The following RUVBL1 variants were observed in gnomAD, a reference collection of about 807,000 sequenced individuals.
The protein encoded by RUVBL1 is ruvB-like 1.
RUVBL1 carries 4 observed loss-of-function variants against 52.4 expected under a neutral mutation model. That is an observed-to-expected ratio of 0.08 (90% CI 0.04 to 0.17). The LOEUF is 0.17. RUVBL1 is among the 10% of genes least tolerant of loss of function. RUVBL1 has a pLI of 1.00. For missense variants in RUVBL1, 298 were observed against 572.8 expected, an observed-to-expected ratio of 0.52 and a Z score of 4.90; for synonymous variants, 217 against 214.4, an observed-to-expected ratio of 1.01 and a Z score of -0.10.
At chr3:128,124,132 C>G (rs1050749764), upstream of RUVBL1, among the ~76,000 whole-genome samples, 2 of 152,116 alleles carry the variant, frequency 1.3e-5, no homozygotes, top group South Asian at 4.1e-4. Context: ...ACGCAAATCT[C>G]AAGTTATTAT....
downstream of RUVBL1, among the ~76,000 whole-genome samples, chr3:128,078,234 G>T (rs1942383494): frequency 1.3e-5 from 2 of 152,172 alleles, no homozygotes; most frequent in Non-Finnish European, 2.9e-5. Context: ...AAATGGCTAA[G>T]GTTTGCTAAC....
intron 4 of RUVBL1, among the ~76,000 whole-genome samples, chr3:128,103,788 G>A (rs779512516): frequency 4.6e-5 from 7 of 152,030 alleles, no homozygotes; most frequent in East Asian, 3.8e-4. Flanking sequence ...ATACACACAC[G>A]CAAACATATA....
chr3:128,126,234 T>C (rs1001848293), upstream of RUVBL1, among the ~76,000 whole-genome samples: 36 of 140,314 alleles, frequency 2.6e-4, no homozygotes, highest in Admixed American at 8.6e-4. Context: ...TGTGTGTGTG[T>C]GCTAAATAAC....
chr3:128,081,150 A>G lies in RUVBL1; in HGVS notation c.*100T>C. On this transcript the variant is annotated 3_prime_UTR_variant, in exon 11 of 11. Transcript: ENST00000322623. The surrounding 1 kb of genome is among the most constrained non-coding windows in gnomAD (Gnocchi z 4.8). ...CTGACAGCGCTGCAGACCACGCCTGAGTGGGGACGGCAGCCCCAAGCCCAG... is the reference window on the plus strand; with the variant it reads ...CTGACAGCGCTGCAGACCACGCCTGGGTGGGGACGGCAGCCCCAAGCCCAG... 1 of 1,233,132 alleles carries G rather than the reference A, an allele frequency of 8.1e-7. No individual in the cohort carries two copies. The allele number at this position is 1,233,132 out of a possible 1,614,324, so 76.4% of individuals were successfully genotyped here.
chr3:128,079,537 T>C (rs553276928), downstream of RUVBL1, among the ~76,000 whole-genome samples: 2 of 152,308 alleles, frequency 1.3e-5, no homozygotes, highest in South Asian at 4.1e-4. Context: ...TCTCTTCTGT[T>C]TGTCTAACAT....
At chr3:128,132,283 G>A (rs937878373) in intron 1 of RUVBL1, among the ~76,000 whole-genome samples, 4 of 152,210 alleles carry the variant, frequency 2.6e-5, no homozygotes, top group Non-Finnish European at 4.4e-5. Context: ...GTGCTCTGGG[G>A]TTCTACAGAA....
At position 128,097,174 on chromosome 3, in the gene RUVBL1, C is replaced by A. The variant is rs535265617; in HGVS notation, c.1016+126G>T. 13 of 922,710 alleles carry A rather than the reference C, an allele frequency of 1.4e-5. No homozygotes were observed. The Admixed American group carries it at 1.6e-4, about 11-fold the overall frequency. 57.2% of individuals were successfully genotyped at this position (922,710 alleles called of 1,614,324 possible). A position where few individuals can be genotyped will look rare whatever the true frequency, so the allele number is the denominator to read the frequency against. ...AGAGGCAAGCCACTTGGCACATTTT[C>A]CCTCAAAAACAACATGACCTCCCCT... On this transcript the variant is annotated intron_variant, in intron 8 of 10. Transcript: ENST00000322623.
At chr3:128,118,036 G>A (rs1943565859) in intron 2 of RUVBL1, among the ~76,000 whole-genome samples, 1 of 152,164 alleles carries the variant, frequency 6.6e-6, no homozygotes, top group African/African-American at 2.4e-5. Flanking sequence ...GCAACATAAT[G>A]AATGCAAACG....
chr3:128,105,001 C>T (rs1943190649), intron 3 of RUVBL1, 77 bp from the exon 4 acceptor site: 11 of 1,502,934 alleles, frequency 7.3e-6, no homozygotes, highest in Admixed American at 1.8e-5. Context: ...ACTTCCATGT[C>T]ACCAGAACTG....
At position 128,067,150 on chromosome 3, in the gene RUVBL1, C is replaced by T. The variant is rs1559798784; in HGVS notation, c.940-1930G>A. ...CTGGTCAGCCTGCTGGGCACCTGGT[C>T]GGTAAGTAGGCTCTTTGAAGATGAG... is the stretch of plus-strand genomic sequence containing the variant. On this transcript the variant is annotated intron_variant, in intron 9 of 9. Transcript: ENST00000464873. The surrounding 1 kb of genome is among the most constrained non-coding windows in gnomAD (Gnocchi z 4.1). The T allele has an allele frequency of 2.5e-6, 4 of 1,613,872 alleles. No homozygotes were observed. The South Asian group carries it at 3.3e-5, about 13-fold the overall frequency.
intron 1 of RUVBL1, among the ~76,000 whole-genome samples, chr3:128,122,387 A>T (rs1476076295): frequency 6.6e-6 from 1 of 152,242 alleles, no homozygotes; most frequent in African/African-American, 2.4e-5. Flanking sequence ...AGTATTTACA[A>T]GTCTTTCAAC....
At chr3:128,091,008 T>G (rs1942821003) in intron 8 of RUVBL1, among the ~76,000 whole-genome samples, 1 of 152,236 alleles carries the variant, frequency 6.6e-6, no homozygotes, top group African/African-American at 2.4e-5. Context: ...TTAATAACAT[T>G]TCTTATAGTT....
intron 9 of RUVBL1, among the ~76,000 whole-genome samples, chr3:128,085,723 C>T (rs921001540): frequency 6.6e-6 from 1 of 151,850 alleles, no homozygotes; most frequent in African/African-American, 2.4e-5. Flanking sequence ...CAGGCTGGGC[C>T]TCCAGCCACA....
At chr3:128,069,471 C>G (rs1175426245) in intron 9 of RUVBL1, 2 of 1,609,128 alleles carry the variant, frequency 1.2e-6, no homozygotes, top group African/African-American at 2.7e-5. Flanking sequence ...TGTCCCCTCC[C>G]CCAGGTACAT....
chr3:128,115,807 T>C (rs1442688406), intron 2 of RUVBL1, among the ~76,000 whole-genome samples: 1 of 152,088 alleles, frequency 6.6e-6, no homozygotes, highest in East Asian at 1.9e-4. Context: ...CTCAGCAAGG[T>C]ATAGCACTTA....
chr3:128,121,502 G>C (rs907020904), intron 1 of RUVBL1, among the ~76,000 whole-genome samples: 1 of 151,236 alleles, frequency 6.6e-6, no homozygotes, highest in Non-Finnish European at 1.5e-5. Context: ...CTGAGGTCAG[G>C]AGTTCAAGAC....
intron 4 of RUVBL1, 66 bp downstream of exon 4, chr3:128,104,704 ACAC>A: frequency 1.4e-6 from 2 of 1,413,364 alleles, no homozygotes; most frequent in Non-Finnish European, 1.9e-6. Flanking sequence ...CAGAGAGGTT[ACAC>A]CACCTGCCCA....
intron 9 of RUVBL1, chr3:128,083,811 C>G (rs1248489560): frequency 6.6e-6 from 1 of 152,442 alleles, no homozygotes; most frequent in Non-Finnish European, 1.5e-5. Context: ...GACACAATGG[C>G]TCACGCCTGT....
intron 1 of RUVBL1, among the ~76,000 whole-genome samples, chr3:128,120,914 G>A (rs1479902504): frequency 1.3e-5 from 2 of 151,468 alleles, no homozygotes; most frequent in Non-Finnish European, 2.9e-5. Context: ...CCAGGAGGCG[G>A]AGCTTGCAGT....
Sources: allele counts gnomAD v4.1 joint callset (sites outside exome capture counted in the v4.1 genomes callset), GRCh38; gene constraint gnomAD v4.1.1; non-coding constraint Gnocchi (gnomAD v3.1); transcripts MANE v1.5; gene names NCBI Gene and HGNC (gene_info 2026-07-23, HGNC 2026-07-21).